Variants in POP4 observed in about 807,000 individuals in gnomAD.
POP4 encodes the protein ribonuclease P protein subunit p29.
POP4 carries 31 observed loss-of-function variants against 29.9 expected under a neutral mutation model. That is an observed-to-expected ratio of 1.04 (90% CI 0.78 to 1.40). The LOEUF is 1.40. Among genes scored for constraint, POP4 ranks in the 40% most tolerant of loss-of-function variants. The pLI, the probability that POP4 is intolerant of heterozygous loss-of-function variation, is 0.00. For synonymous variants in POP4, 110 were observed against 108.2 expected (o/e 1.02, Z -0.10); for missense variants, 286 against 282.7 (o/e 1.01, Z -0.08).
In POP4 at chr19:29,616,729, T is replaced by A. The variant is rs1003813358; in HGVS notation, c.*1349T>A. The A allele has an allele frequency of 6.6e-6, 1 of 152,304 alleles. No homozygotes were observed. The allele number at this position is 152,304 out of a possible 1,614,324, so 9.4% of individuals were successfully genotyped here. The stretch of plus-strand genomic sequence containing the variant: ...AAGTGTCCTCCGCTCACCAGGGTGT[T>A]CTGAGGCAGCTCAAGTGCTCTCCCC... On this transcript the variant is annotated 3_prime_UTR_variant, in exon 7 of 7. Coordinates refer to ENST00000585603, the MANE Select transcript of POP4 (RefSeq NM_006627.3).
chr19:29,611,495 A>G, intron 3 of POP4: 1 of 229,126 alleles, frequency 4.4e-6, no homozygotes, highest in Non-Finnish European at 8.7e-6. Flanking sequence ...GCCTCACATG[A>G]GGACCTGCGT....
At chr19:29,612,041 G>C (rs1971075509) in intron 4 of POP4, 76 bp from the exon 5 acceptor site, 1 of 1,585,188 alleles carries the variant, frequency 6.3e-7, no homozygotes, top group Non-Finnish European at 8.6e-7. Context: ...CCTGGCTGCA[G>C]ACGGTTAAAG....
In POP4 at chr19:29,606,340, G is replaced by GAAGTTGGAGAGGGTTGGGGACGTT. The variant is rs1970995644; in HGVS notation, c.7+19_7+42dup. On this transcript the variant is annotated intron_variant, in intron 1 of 6. Transcript: ENST00000585603. ...GAGAATGAAGAGTAAGCGGGGCCGC[G>GAAGTTGGAGAGGGTTGGGGACGTT]AAGTTGGAGAGGGTTGGGGACGTTA... 1.2e-6 allele frequency: 2 copies of GAAGTTGGAGAGGGTTGGGGACGTT among 1,605,830 alleles called. No individual in the cohort carries two copies. The highest frequency in any genetic ancestry group is 2.7e-5 in the African/African-American group (2 of 74,550).
intron 1 of POP4, 145 bp from the exon 2 acceptor site, chr19:29,608,512 C>T (rs972992191): frequency 1.1e-4 from 80 of 707,264 alleles, no homozygotes; most frequent in South Asian, 9.3e-4. Context: ...GGTCAGGATC[C>T]GCCCGCCTTG....
chr19:29,610,098 CT>C, intron 2 of POP4: 1 of 366,428 alleles, frequency 2.7e-6, no homozygotes, highest in East Asian at 5.1e-5. Flanking sequence ...TGAGAGAATT[CT>C]TCTTCAAGAT....
chr19:29,606,778 C>T (rs1971003645), intron 1 of POP4, among the ~76,000 whole-genome samples: 1 of 152,054 alleles, frequency 6.6e-6, no homozygotes, highest in Non-Finnish European at 1.5e-5. Flanking sequence ...CGTGTAGACA[C>T]CGTTAAGACT....
chr19:29,612,890 G>A (rs764216117), intron 5 of POP4, among the ~76,000 whole-genome samples: 2 of 152,202 alleles, frequency 1.3e-5, no homozygotes, highest in Non-Finnish European at 2.9e-5. Context: ...CAGAGTGCCG[G>A]TTACGTAGAA....
Position 29,616,512 on chromosome 19 carries a change from G to A in POP4, c.*1132G>A, listed in dbSNP as rs8105791. 14,901 of 152,318 alleles carry A rather than the reference G, an allele frequency of 0.098. 2,028 individuals are homozygous for A. Among genetic ancestry groups the A allele is most frequent in the African/African-American group, 0.3 (12,556 of 41,506 alleles). 9.4% of individuals were successfully genotyped at this position (152,318 alleles called of 1,614,324 possible). ...AGAAGTAGCAGTGCCAGGGCTTTGCGTTTCTGGTAACTTCCACCCAAACCA... is the reference window on the plus strand; with the variant it reads ...AGAAGTAGCAGTGCCAGGGCTTTGCATTTCTGGTAACTTCCACCCAAACCA... On this transcript the variant is annotated 3_prime_UTR_variant, in exon 7 of 7. Coordinates refer to ENST00000585603, the MANE Select transcript of POP4 (RefSeq NM_006627.3).
intron 5 of POP4, among the ~76,000 whole-genome samples, chr19:29,612,584 A>C (rs1971083045): frequency 1.3e-5 from 2 of 152,096 alleles, no homozygotes; most frequent in South Asian, 4.1e-4. Context: ...CCTGAACTCC[A>C]GGCTCAGGCA....
intron 6 of POP4, 134 bp from the exon 7 acceptor site, chr19:29,615,110 G>T: frequency 1.8e-6 from 2 of 1,103,818 alleles, no homozygotes; most frequent in African/African-American, 1.6e-5. Flanking sequence ...CCCTCCCCTT[G>T]TGGGTTTCCC....
Position 29,608,262 on chromosome 19 carries a change from C to CTTTTTTTTTTTTTTTT in POP4, c.8-388_8-373dup, listed in dbSNP as rs1164860504. Among the ~76,000 whole-genome samples the CTTTTTTTTTTTTTTTT allele has an allele frequency of 2.0e-3, 171 of 86,576 alleles. 1 individual carries two copies. Among genetic ancestry groups the CTTTTTTTTTTTTTTTT allele is most frequent in the East Asian group, 2.2e-3 (7 of 3,112 alleles). The allele number at this position is 86,576 out of a possible 152,430, so 56.8% of individuals were successfully genotyped here. A position where few individuals can be genotyped will look rare whatever the true frequency, so the allele number is the denominator to read the frequency against. The stretch of plus-strand genomic sequence containing the variant: ...TAGTTATTTTCTTTTCTTTTCTTTT[C>CTTTTTTTTTTTTTTTT]TTTTTTTTTTTTTTTTTTTTTTGAG... On this transcript the variant is annotated intron_variant, in intron 1 of 6. Coordinates refer to ENST00000585603, the MANE Select transcript of POP4 (RefSeq NM_006627.3).
chr19:29,610,429 C>G lies in POP4; in HGVS notation c.81C>G (p.Ala27=), dbSNP rs763780061. 9 of 1,570,880 alleles carry G rather than the reference C, an allele frequency of 5.7e-6. No homozygotes were observed. The highest frequency in any genetic ancestry group is 2.0e-4 in the Middle Eastern group (1 of 4,978). The change falls in exon 3 of 7, where the codon GCC becomes GCG. Residue 27 remains alanine, a synonymous_variant. Coordinates refer to ENST00000585603, the MANE Select transcript of POP4 (RefSeq NM_006627.3). ...TGCAGCCTTCAGGAGCACAGCGGGC[C>G]GAGGCCTTCGTGAGGGCCTTCCTGA... is the stretch of plus-strand genomic sequence containing the variant. ...SDVQPSGAQR[A]EAFVRAFLKR...
chr19:29,610,257 A>G, intron 2 of POP4, 152 bp from the exon 3 acceptor site: 2 of 655,220 alleles, frequency 3.1e-6, no homozygotes, highest in East Asian at 2.8e-5. Context: ...TAGCAGATGC[A>G]TGGCGGATGA....
intron 2 of POP4, chr19:29,609,043 G>A (rs769198024): frequency 1.9e-4 from 43 of 232,056 alleles, no homozygotes; most frequent in Non-Finnish European, 2.9e-4. Context: ...TCTGCAGAAG[G>A]TGTGCAATCA....
chr19:29,608,262 C>CTTTTCTTTTTT (rs1491529433), intron 1 of POP4, among the ~76,000 whole-genome samples: 14 of 86,558 alleles, frequency 1.6e-4, no homozygotes, highest in African/African-American at 4.6e-4. Context: ...CTTTTCTTTT[C>CTTTTCTTTTTT]TTTTTTTTTT....
In POP4 at chr19:29,610,510, G is replaced by A. The variant is rs772979067; in HGVS notation, c.162G>A (p.Lys54=). The stretch of plus-strand genomic sequence containing the variant: ...CCCGCGAGGACCAGCTGCAGCGCAA[G>A]GCGGTGGTCCTGGAGTACTTCACCC... ...PQAREDQLQR[K]AVVLEYFTRH... The change falls in exon 3 of 7, where the codon AAG becomes AAA. Residue 54 remains lysine, a synonymous_variant. Coordinates refer to ENST00000585603, the MANE Select transcript of POP4 (RefSeq NM_006627.3). 5 of 1,613,194 alleles carry A rather than the reference G, an allele frequency of 3.1e-6. No individual in the cohort carries two copies. The highest frequency in any genetic ancestry group is 1.7e-4 in the Middle Eastern group (1 of 6,058).
chr19:29,609,404 C>T (rs532181740), intron 2 of POP4, among the ~76,000 whole-genome samples: 28 of 152,334 alleles, frequency 1.8e-4, no homozygotes, highest in South Asian at 6.2e-4. Flanking sequence ...AGGAAGGCTG[C>T]GTTACTATTG....
intron 6 of POP4, 21 bp from the exon 7 acceptor site, chr19:29,615,223 C>CTTTT: frequency 1.5e-5 from 20 of 1,324,464 alleles, no homozygotes; most frequent in African/African-American, 3.3e-5. Context: ...TTTCTCCTGC[C>CTTTT]TTTTTTTTTT....
intron 6 of POP4, 126 bp downstream of exon 6, chr19:29,614,098 T>C: frequency 6.9e-7 from 1 of 1,445,674 alleles, no homozygotes; most frequent in South Asian, 1.5e-5. Context: ...AGATACTTGC[T>C]GAACCTGCAT....
Sources: gnomAD v4.1 joint callset for allele counts (sites outside exome capture counted in the v4.1 genomes callset) on GRCh38, gnomAD v4.1.1 for gene constraint, MANE v1.5 for transcripts, NCBI Gene and HGNC (gene_info 2026-07-23, HGNC 2026-07-21) for gene names.